The following PKP4 variants were observed in gnomAD, a reference collection of about 807,000 sequenced individuals.
PKP4 encodes the protein plakophilin-4.
PKP4 carries 90 observed loss-of-function variants against 145.1 expected under a neutral mutation model. The ratio of observed to expected loss-of-function variants is 0.62; its 90% confidence interval spans 0.52 to 0.74. PKP4 has a LOEUF of 0.74. Among genes scored for constraint, PKP4 ranks in the 30% least tolerant of loss-of-function variants. The probability of loss-of-function intolerance (pLI) is 0.00; values close to 1 mark genes in which losing one functional copy is unlikely to be tolerated. For missense variants in PKP4, 1,340 were observed against 1,482.7 expected (o/e 0.90, Z 1.58); for synonymous variants, 563 against 577.2 (o/e 0.98, Z 0.35).
chr2:158,630,631 C>T (rs1280429940), intron 7 of PKP4, among the ~76,000 whole-genome samples: 1 of 152,118 alleles, frequency 6.6e-6, no homozygotes, highest in Non-Finnish European at 1.5e-5. Flanking sequence ...ATTATATAGG[C>T]GTTCTCTTAG....
chr2:158,604,755 T>C (rs1489244904), intron 4 of PKP4, among the ~76,000 whole-genome samples: 1 of 152,192 alleles, frequency 6.6e-6, no homozygotes, highest in Non-Finnish European at 1.5e-5. Flanking sequence ...TCAATAAGCA[T>C]TTAGAAATGT....
At chr2:158,542,805 A>G (rs2044637155) in intron 2 of PKP4, among the ~76,000 whole-genome samples, 1 of 152,158 alleles carries the variant, frequency 6.6e-6, no homozygotes. Context: ...TACCACTATT[A>G]CTACTGCTTC....
intron 2 of PKP4, among the ~76,000 whole-genome samples, chr2:158,540,987 T>C (rs892149243): frequency 2.0e-5 from 3 of 152,266 alleles, no homozygotes; most frequent in Middle Eastern, 3.4e-3. Flanking sequence ...TCCCCCTGTA[T>C]ATGCAAACTT....
At chr2:158,491,714 C>T (rs930677265) in intron 1 of PKP4, among the ~76,000 whole-genome samples, 2 of 152,072 alleles carry the variant, frequency 1.3e-5, no homozygotes, top group South Asian at 2.1e-4. Context: ...TCACCCCCCA[C>T]CCCAGCCATA....
chr2:158,497,173 C>T (rs374278571), intron 1 of PKP4, among the ~76,000 whole-genome samples: 4 of 152,104 alleles, frequency 2.6e-5, no homozygotes, highest in South Asian at 2.1e-4. Context: ...ATCCACAGGG[C>T]CAGGTGTCAG....
At chr2:158,595,108 T>A (rs114976250) in intron 3 of PKP4, among the ~76,000 whole-genome samples, 134 of 152,314 alleles carry the variant, frequency 8.8e-4, no homozygotes, top group Non-Finnish European at 1.6e-3. Flanking sequence ...AAGTCTCTAG[T>A]GTAAAGAATT....
intron 2 of PKP4, among the ~76,000 whole-genome samples, chr2:158,546,335 G>C (rs1364900663): frequency 1.3e-5 from 2 of 152,118 alleles, no homozygotes; most frequent in African/African-American, 4.8e-5. Flanking sequence ...TATGAAAACT[G>C]TCTCTTCTGT....
intron 1 of PKP4, among the ~76,000 whole-genome samples, chr2:158,504,503 C>T (rs1343463787): frequency 6.6e-6 from 1 of 152,184 alleles, no homozygotes; most frequent in Non-Finnish European, 1.5e-5. Flanking sequence ...GGCAATTTAG[C>T]CCTTCTATTA....
At chr2:158,474,334 A>G (rs879720200) in intron 1 of PKP4, among the ~76,000 whole-genome samples, 1 of 152,192 alleles carries the variant, frequency 6.6e-6, no homozygotes, top group Non-Finnish European at 1.5e-5. Flanking sequence ...GCTGTTAACG[A>G]TATCACTTCT....
intron 1 of PKP4, among the ~76,000 whole-genome samples, chr2:158,506,518 T>C (rs768842519): frequency 1.3e-5 from 2 of 152,240 alleles, no homozygotes; most frequent in African/African-American, 2.4e-5. Flanking sequence ...TGTTTAGATA[T>C]GTGTCAAAGT....
intron 1 of PKP4, among the ~76,000 whole-genome samples, chr2:158,476,479 C>T (rs575740246): frequency 6.6e-6 from 1 of 152,160 alleles, no homozygotes; most frequent in East Asian, 1.9e-4. Context: ...TACAGGCATA[C>T]ACCACCCTGC....
chr2:158,512,225 G>C (rs547148823), intron 1 of PKP4, among the ~76,000 whole-genome samples: 3 of 152,278 alleles, frequency 2.0e-5, no homozygotes, highest in African/African-American at 7.2e-5. Flanking sequence ...TTGGTTCTTG[G>C]ATTTGAAATT....
At chr2:158,585,039 C>CT (rs1221144241) in intron 3 of PKP4, among the ~76,000 whole-genome samples, 2 of 151,964 alleles carry the variant, frequency 1.3e-5, no homozygotes, top group African/African-American at 4.8e-5. Flanking sequence ...AAAATTGGGC[C>CT]TTTTAATAAT....
intron 3 of PKP4, among the ~76,000 whole-genome samples, chr2:158,580,049 G>A (rs1456508686): frequency 1.3e-5 from 2 of 152,112 alleles, no homozygotes; most frequent in Non-Finnish European, 2.9e-5. Flanking sequence ...AGAATCTGTA[G>A]CATTTTATTC....
chr2:158,459,291 A>G (rs186665393), intron 1 of PKP4, among the ~76,000 whole-genome samples: 102 of 152,302 alleles, frequency 6.7e-4, no homozygotes, highest in African/African-American at 2.3e-3. Context: ...ATTTGACACA[A>G]TTTGCTTTGC....
In PKP4 at chr2:158,663,372, C is replaced by G. The variant is rs1328284743; in HGVS notation, c.2504C>G (p.Ala835Gly). The G allele has an allele frequency of 6.2e-7, 1 of 1,614,114 alleles. No individual in the cohort carries two copies. Residue 835 changes from alanine to glycine, a missense_variant, in exon 15 of 22, where the codon GCA becomes GGA. By Grantham distance (60) the Ala-to-Gly change is moderately conservative. Transcript: ENST00000389759. ...GTAAAACCATATCTGACTCTTCTAG[C>G]AGAAAGTTCCAACCCAGCCACCTTG... ...SVVKPYLTLL[A>G]ESSNPATLEG... is the part of the protein sequence containing the mutation.
chr2:158,592,465 T>G (rs1367162797), intron 3 of PKP4, among the ~76,000 whole-genome samples: 1 of 152,110 alleles, frequency 6.6e-6, no homozygotes, highest in Non-Finnish European at 1.5e-5. Flanking sequence ...TTCATGTTTC[T>G]TGTCCATGAA....
At chr2:158,608,198 A>G (rs1429296393) in intron 4 of PKP4, among the ~76,000 whole-genome samples, 3 of 152,190 alleles carry the variant, frequency 2.0e-5, no homozygotes, top group Non-Finnish European at 4.4e-5. Flanking sequence ...GTACCCACAA[A>G]AATTTAAAAT....
At chr2:158,646,805 A>G (rs550457014) in intron 11 of PKP4, among the ~76,000 whole-genome samples, 1 of 152,254 alleles carries the variant, frequency 6.6e-6, no homozygotes, top group African/African-American at 2.4e-5. Context: ...TTTCCATACA[A>G]AGTAGCCGCC....
Sources: allele counts gnomAD v4.1 joint callset (sites outside exome capture counted in the v4.1 genomes callset), GRCh38; gene constraint gnomAD v4.1.1; transcripts MANE v1.5; gene names NCBI Gene and HGNC (gene_info 2026-07-23, HGNC 2026-07-21).